SORCS2: variants seen among roughly 807,000 people sequenced by gnomAD.
SORCS2 encodes sortilin related VPS10 domain containing receptor 2.
Under a neutral mutation model 141.6 loss-of-function variants are expected in SORCS2, and 100 were observed. The observed-to-expected ratio is 0.71, with a 90% confidence interval of 0.60 to 0.83. The LOEUF is 0.83. SORCS2 is among the 40% of genes least tolerant of loss of function. The pLI is 0.00. For missense variants in SORCS2, 1,646 were observed against 1,560.2 expected (o/e 1.05, Z -0.93); for synonymous variants, 789 against 676.9 (o/e 1.17, Z -2.57).
intron 2 of SORCS2, among the ~76,000 whole-genome samples, chr4:7,506,523 T>A (rs1732287486): frequency 1.1e-5 from 1 of 92,624 alleles, no homozygotes; most frequent in Non-Finnish European, 2.4e-5. Context: ...TTAGCTGACA[T>A]CCCGAGATCT....
At chr4:7,710,829 G>A (rs1201719708) in intron 14 of SORCS2, among the ~76,000 whole-genome samples, 4 of 152,348 alleles carry the variant, frequency 2.6e-5, no homozygotes, top group Admixed American at 1.3e-4. Context: ...CTTGGTGGGT[G>A]TTGCCACTAG....
chr4:7,542,945 C>T (rs1288639655), intron 3 of SORCS2, among the ~76,000 whole-genome samples: 2 of 152,248 alleles, frequency 1.3e-5, no homozygotes. Context: ...CAGACACTCA[C>T]CGGCCCAGTG....
chr4:7,349,598 T>C (rs535130505), intron 1 of SORCS2, among the ~76,000 whole-genome samples: 2 of 152,290 alleles, frequency 1.3e-5, no homozygotes, highest in South Asian at 4.1e-4. Flanking sequence ...CCTACCGTGC[T>C]CTGGCATGTC....
At chr4:7,570,316 G>C (rs1715301810) in intron 3 of SORCS2, among the ~76,000 whole-genome samples, 1 of 152,156 alleles carries the variant, frequency 6.6e-6, no homozygotes, top group Admixed American at 6.5e-5. Context: ...TCACAGCCTC[G>C]AGGCAACCTC....
intron 1 of SORCS2, among the ~76,000 whole-genome samples, chr4:7,227,304 T>A (rs1729048699): frequency 6.6e-6 from 1 of 152,222 alleles, no homozygotes; most frequent in African/African-American, 2.4e-5. Context: ...TTCCCTCGCA[T>A]CTGTGCTTAT....
At chr4:7,271,558 C>T (rs950842583) in intron 1 of SORCS2, among the ~76,000 whole-genome samples, 1 of 152,228 alleles carries the variant, frequency 6.6e-6, no homozygotes, top group Non-Finnish European at 1.5e-5. Flanking sequence ...CCCTTTCTCA[C>T]GTTTCTTTCC....
intron 1 of SORCS2, among the ~76,000 whole-genome samples, chr4:7,298,591 C>T (rs1717229388): frequency 6.6e-6 from 1 of 152,136 alleles, no homozygotes; most frequent in African/African-American, 2.4e-5. Context: ...TGTGAAGGAC[C>T]CAGGTTTCTG....
intron 2 of SORCS2, among the ~76,000 whole-genome samples, chr4:7,435,166 C>CT (rs987210047): frequency 3.9e-5 from 6 of 152,154 alleles, no homozygotes; most frequent in African/African-American, 1.4e-4. Flanking sequence ...GGAAGCCCTC[C>CT]TGGCCCCTGG....
intron 3 of SORCS2, among the ~76,000 whole-genome samples, chr4:7,620,645 G>C (rs1719103338): frequency 6.6e-6 from 1 of 152,246 alleles, no homozygotes; most frequent in South Asian, 2.1e-4. Context: ...GGCGGTGGGT[G>C]TTGGGTACAC....
At chr4:7,520,684 G>A (rs1250182565) in intron 2 of SORCS2, among the ~76,000 whole-genome samples, 2 of 152,202 alleles carry the variant, frequency 1.3e-5, no homozygotes, top group Non-Finnish European at 1.5e-5. Flanking sequence ...TGCTGCCCCT[G>A]TGGGTTCAGA....
chr4:7,252,017 G>A (rs1713538296), intron 1 of SORCS2, among the ~76,000 whole-genome samples: 2 of 152,122 alleles, frequency 1.3e-5, no homozygotes, highest in Non-Finnish European at 2.9e-5. Context: ...TAAACGTATG[G>A]TGCCAGTCAT....
chr4:7,575,711 T>C (rs1261926939), intron 3 of SORCS2, among the ~76,000 whole-genome samples: 1 of 152,242 alleles, frequency 6.6e-6, no homozygotes, highest in Non-Finnish European at 1.5e-5. Flanking sequence ...GGACACTTGC[T>C]CCTGTGTCCT....
chr4:7,726,238 C>A (rs1391439680), intron 20 of SORCS2, among the ~76,000 whole-genome samples: 1 of 152,176 alleles, frequency 6.6e-6, no homozygotes, highest in African/African-American at 2.4e-5. Context: ...AGGCCCAGCC[C>A]GGCAGCCACA....
At chr4:7,604,742 T>C (rs1717953838) in intron 3 of SORCS2, among the ~76,000 whole-genome samples, 1 of 152,072 alleles carries the variant, frequency 6.6e-6, no homozygotes, top group African/African-American at 2.4e-5. Context: ...GAACTGTGAG[T>C]CAATTAAAAC....
rs373333378 is a variant in SORCS2, at chr4:7,378,793, G to C, written c.481-17495G>C. 7.0e-4 allele frequency among the ~76,000 whole-genome samples: 106 copies of C among 152,190 alleles called. 1 individual carries two copies. The South Asian group carries it at 0.019, about 27-fold the overall frequency. On this transcript the variant is annotated intron_variant, in intron 1 of 26. Coordinates refer to ENST00000507866, the MANE Select transcript of SORCS2 (RefSeq NM_020777.3). Reference sequence around the variant, plus strand: ...CCCTGCCCACCTCCCTCAGACCACCGTGGGCAGCTGAGAGTTATCCCAAGT... The same window carrying C: ...CCCTGCCCACCTCCCTCAGACCACCCTGGGCAGCTGAGAGTTATCCCAAGT...
intron 1 of SORCS2, among the ~76,000 whole-genome samples, chr4:7,241,364 G>A (rs1712683172): frequency 6.6e-6 from 1 of 152,182 alleles, no homozygotes; most frequent in Admixed American, 6.5e-5. Context: ...GAGAAGGGGT[G>A]GGACATGGGC....
rs1262084584 is a variant in SORCS2 at position 7,311,214 on chromosome 4, C to T, written c.481-85074C>T. Among the ~76,000 whole-genome samples, 6 of 152,282 alleles carry T rather than the reference C, an allele frequency of 3.9e-5. No homozygotes were observed. The East Asian group carries it at 5.8e-4, about 15-fold the overall frequency. ...TTGTCTGGCCTCCTCTACTCAGCATCGCTGTTTTCAGATTCAGACATGTTG... is the reference window on the plus strand; with the variant it reads ...TTGTCTGGCCTCCTCTACTCAGCATTGCTGTTTTCAGATTCAGACATGTTG... On this transcript the variant is annotated intron_variant, in intron 1 of 26. Coordinates refer to ENST00000507866, the MANE Select transcript of SORCS2 (RefSeq NM_020777.3).
At chr4:7,251,987 C>T (rs1335888860) in intron 1 of SORCS2, among the ~76,000 whole-genome samples, 1 of 152,142 alleles carries the variant, frequency 6.6e-6, no homozygotes, top group Non-Finnish European at 1.5e-5. Flanking sequence ...TGACACACAC[C>T]CCTCTGGCTG....
intron 1 of SORCS2, among the ~76,000 whole-genome samples, chr4:7,248,782 C>T (rs569613993): frequency 3.3e-5 from 5 of 152,192 alleles, no homozygotes; most frequent in Non-Finnish European, 7.3e-5. Flanking sequence ...CTTAAGAAGA[C>T]AAATGTTCCA....
Sources: gnomAD v4.1 joint callset for allele counts (sites outside exome capture counted in the v4.1 genomes callset) on GRCh38, gnomAD v4.1.1 for gene constraint, MANE v1.5 for transcripts, NCBI Gene and HGNC (gene_info 2026-07-23, HGNC 2026-07-21) for gene names.